Variants in RALGPS1 observed in about 807,000 individuals in gnomAD.
The protein encoded by RALGPS1 is Ral GEF with PH domain and SH3 binding motif 1, also known as ras-specific guanine nucleotide-releasing factor RalGPS1.
RALGPS1 carries 19 observed loss-of-function variants against 78.8 expected under a neutral mutation model. That is an observed-to-expected ratio of 0.24 (90% CI 0.17 to 0.35). RALGPS1 has a LOEUF of 0.35. Ranked by LOEUF, RALGPS1 falls within the 10% of genes least tolerant of loss-of-function variation. The probability of loss-of-function intolerance (pLI) is 1.00; values close to 1 mark genes in which losing one functional copy is unlikely to be tolerated. For synonymous variants in RALGPS1, 228 were observed against 256.3 expected, an observed-to-expected ratio of 0.89 and a Z score of 1.06; for missense variants, 454 against 688.3, an observed-to-expected ratio of 0.66 and a Z score of 3.81.
chr9:126,937,593 T>C (rs1227419206), intron 1 of RALGPS1, among the ~76,000 whole-genome samples: 1 of 152,212 alleles, frequency 6.6e-6, no homozygotes, highest in Non-Finnish European at 1.5e-5. Flanking sequence ...GTTCCTTATA[T>C]CTTGCCACTC....
At chr9:126,991,008 G>A (rs2042236400) in intron 4 of RALGPS1, among the ~76,000 whole-genome samples, 1 of 152,174 alleles carries the variant, frequency 6.6e-6, no homozygotes, top group South Asian at 2.1e-4. Context: ...CAGTCTTGGT[G>A]TCCACAAGTT....
At chr9:127,049,923 C>G in intron 5 of RALGPS1, 120 bp from the exon 6 acceptor site, 1 of 744,292 alleles carries the variant, frequency 1.3e-6, no homozygotes, top group Non-Finnish European at 2.4e-6. Context: ...CTATCCTCTC[C>G]CAGTTTCCTG....
At chr9:127,009,709 T>C (rs1426489080) in intron 4 of RALGPS1, among the ~76,000 whole-genome samples, 3 of 152,002 alleles carry the variant, frequency 2.0e-5, no homozygotes, top group Non-Finnish European at 4.4e-5. Context: ...AGCCTAAGAG[T>C]CTAGGCTGGT....
intron 18 of RALGPS1, among the ~76,000 whole-genome samples, chr9:127,216,440 C>T (rs1469451905): frequency 2.0e-5 from 3 of 152,194 alleles, no homozygotes; most frequent in African/African-American, 7.2e-5. Context: ...AGAATGTTCA[C>T]TGCAGCATTG....
chr9:127,118,592 A>AC (rs1388903997), intron 8 of RALGPS1, among the ~76,000 whole-genome samples: 2 of 152,026 alleles, frequency 1.3e-5, no homozygotes, highest in Non-Finnish European at 2.9e-5. Flanking sequence ...CTGCACCCTG[A>AC]CCCCCAGTTT....
intron 10 of RALGPS1, 126 bp from the exon 11 acceptor site, chr9:127,174,589 T>C: frequency 2.5e-6 from 2 of 814,794 alleles, no homozygotes; most frequent in South Asian, 3.0e-5. Context: ...GGGAAGTGAC[T>C]GTGATCTGGA....
intron 8 of RALGPS1, chr9:127,070,148 G>A (rs1236044918): frequency 6.6e-6 from 1 of 152,166 alleles, no homozygotes; most frequent in African/African-American, 2.4e-5. Flanking sequence ...CTCTGAGGAG[G>A]AGCACACAAC....
At chr9:127,093,711 G>T in intron 8 of RALGPS1, 1 of 1,612,762 alleles carries the variant, frequency 6.2e-7, no homozygotes, top group South Asian at 1.1e-5. Flanking sequence ...GGGCAGCACA[G>T]ACATCCCCTG....
chr9:126,968,360 T>C (rs934834107), intron 3 of RALGPS1, among the ~76,000 whole-genome samples: 4 of 152,182 alleles, frequency 2.6e-5, no homozygotes, highest in African/African-American at 9.7e-5. Context: ...CCCAATTTTC[T>C]GATAAAGTAA....
chr9:126,927,397 A>C (rs2035382921), intron 1 of RALGPS1, among the ~76,000 whole-genome samples: 1 of 151,264 alleles, frequency 6.6e-6, no homozygotes, highest in African/African-American at 2.4e-5. Flanking sequence ...TGGTGTGGAA[A>C]CCGGTGGTGG....
rs141988162 is a variant in RALGPS1 at position 127,011,803 on chromosome 9, G to A, written c.217-22628G>A. Among the ~76,000 whole-genome samples, 453 of 152,322 alleles carry A rather than the reference G, an allele frequency of 3.0e-3. 3 individuals carry two copies. Among genetic ancestry groups the A allele is most frequent in the South Asian group, 8.1e-3 (39 of 4,828 alleles). Reference sequence around the variant, plus strand: ...TATGTAACAGGAAGATTAATAGGCAGTTCCTCCCATCCCCTGTCCCCCGTC... The same window carrying A: ...TATGTAACAGGAAGATTAATAGGCAATTCCTCCCATCCCCTGTCCCCCGTC... On this transcript the variant is annotated intron_variant, in intron 4 of 18. Transcript: ENST00000259351.
intron 14 of RALGPS1, chr9:127,210,908 G>C: frequency 1.3e-6 from 1 of 758,532 alleles, no homozygotes; most frequent in Non-Finnish European, 2.1e-6. Context: ...TCTACTGCCA[G>C]GTGCACTGGC....
intron 3 of RALGPS1, among the ~76,000 whole-genome samples, chr9:126,973,772 C>T (rs911223492): frequency 9.9e-5 from 15 of 152,186 alleles, no homozygotes; most frequent in Admixed American, 6.5e-4. Context: ...TCCCAACCCC[C>T]AGCAACCACT....
At chr9:127,046,274 C>T (rs1212890315) in intron 5 of RALGPS1, among the ~76,000 whole-genome samples, 4 of 152,056 alleles carry the variant, frequency 2.6e-5, no homozygotes. Context: ...ATGTAACTTC[C>T]CACTTGTTAA....
At chr9:126,997,123 A>G (rs1207935423) in intron 4 of RALGPS1, among the ~76,000 whole-genome samples, 2 of 152,224 alleles carry the variant, frequency 1.3e-5, no homozygotes, top group African/African-American at 2.4e-5. Flanking sequence ...AAACGGGCAC[A>G]AGACAGGGAT....
At chr9:126,944,174 G>A (rs960293694) in intron 1 of RALGPS1, among the ~76,000 whole-genome samples, 4 of 152,236 alleles carry the variant, frequency 2.6e-5, no homozygotes, top group Admixed American at 6.5e-5. Flanking sequence ...AGGCATGCAC[G>A]CAGGAGTCAG....
At chr9:127,129,742 AGGC>A (rs964261953) in intron 8 of RALGPS1, among the ~76,000 whole-genome samples, 4 of 152,176 alleles carry the variant, frequency 2.6e-5, no homozygotes, top group Non-Finnish European at 5.9e-5. Context: ...CAGGGAGTAA[AGGC>A]AGCCAGTGCA....
At chr9:127,134,284 G>A (rs1315639264) in intron 8 of RALGPS1, among the ~76,000 whole-genome samples, 4 of 152,104 alleles carry the variant, frequency 2.6e-5, no homozygotes, top group Non-Finnish European at 5.9e-5. Context: ...ATAGAATCCT[G>A]GAATTTGGAG....
At chr9:127,121,264 A>C (rs1407190163) in intron 8 of RALGPS1, among the ~76,000 whole-genome samples, 1 of 152,356 alleles carries the variant, frequency 6.6e-6, no homozygotes, top group Admixed American at 6.5e-5. Flanking sequence ...TTCACAGATA[A>C]GAAAACTGAG....
Sources: gnomAD v4.1 joint callset for allele counts (sites outside exome capture counted in the v4.1 genomes callset) on GRCh38, gnomAD v4.1.1 for gene constraint, MANE v1.5 for transcripts, NCBI Gene and HGNC (gene_info 2026-07-23, HGNC 2026-07-21) for gene names.